Variants in TMEM120B observed in about 807,000 individuals in gnomAD.
TMEM120B encodes the protein transmembrane protein 120B.
TMEM120B carries 31 observed loss-of-function variants against 55.5 expected under a neutral mutation model. The ratio of observed to expected loss-of-function variants is 0.56; its 90% CI spans 0.42 to 0.75. The LOEUF is 0.75. Among genes scored for constraint, TMEM120B ranks in the 30% least tolerant of loss-of-function variants. The probability of loss-of-function intolerance (pLI) is 0.00; values close to 1 mark genes in which losing one functional copy is unlikely to be tolerated. For missense variants in TMEM120B, 399 were observed against 425.5 expected (o/e 0.94, Z 0.55); for synonymous variants, 203 against 176.3 (o/e 1.15, Z -1.20).
At position 121,746,251 on chromosome 12, in the gene TMEM120B, G is replaced by A. The variant is rs539168056; in HGVS notation, c.189-2075G>A. Among the ~76,000 whole-genome samples, 23 of 137,420 alleles carry A rather than the reference G, an allele frequency of 1.7e-4. No individual in the cohort carries two copies. In the East Asian group the frequency reaches 4.0e-3, roughly 24 times the overall value. The allele number at this position is 137,420 out of a possible 152,430, so 90.2% of individuals were successfully genotyped here. On this transcript the variant is annotated intron_variant, in intron 2 of 11. Coordinates refer to ENST00000449592, the MANE Select transcript of TMEM120B (RefSeq NM_001080825.2). Reference sequence around the variant, plus strand: ...TGCCCAGGCTGGAGTGCAATGGTGCGATCTTGGCTCACTGCAACCTCTGCC... The same window carrying A: ...TGCCCAGGCTGGAGTGCAATGGTGCAATCTTGGCTCACTGCAACCTCTGCC...
intron 1 of TMEM120B, among the ~76,000 whole-genome samples, chr12:121,723,330 GCTAATGTT>G (rs1894832565): frequency 6.6e-6 from 1 of 152,042 alleles, no homozygotes; most frequent in Non-Finnish European, 1.5e-5. Context: ...ACTGTGCTCA[GCTAATGTT>G]CTAATCTTCT....
At chr12:121,750,274 C>T in intron 3 of TMEM120B, 106 bp from the exon 4 acceptor site, 1 of 1,091,924 alleles carries the variant, frequency 9.2e-7, no homozygotes, top group Non-Finnish European at 1.4e-6. Context: ...CCCCTATCTT[C>T]TAACATCAGT....
intron 5 of TMEM120B, among the ~76,000 whole-genome samples, chr12:121,761,162 A>G (rs1289657689): frequency 6.6e-6 from 1 of 152,094 alleles, no homozygotes; most frequent in Non-Finnish European, 1.5e-5. Flanking sequence ...TATTTTTAGT[A>G]GAGATGGAGT....
At chr12:121,744,680 C>T (rs1308635295) in intron 2 of TMEM120B, among the ~76,000 whole-genome samples, 1 of 152,200 alleles carries the variant, frequency 6.6e-6, no homozygotes, top group African/African-American at 2.4e-5. Context: ...CCAGTGGATG[C>T]CGTGACCCCA....
chr12:121,740,824 G>A (rs1042572234), intron 1 of TMEM120B, among the ~76,000 whole-genome samples: 1 of 152,156 alleles, frequency 6.6e-6, no homozygotes, highest in African/African-American at 2.4e-5. Context: ...GAAAAGAGGT[G>A]TGTTGCCTGC....
rs992407077 is a variant in TMEM120B, at chr12:121,776,401, GA to G, written c.*680del. 12 of 153,258 alleles carry G rather than the reference GA, an allele frequency of 7.8e-5. No homozygotes were observed. The highest frequency in any genetic ancestry group is 2.2e-4 in the African/African-American group (9 of 41,454). The allele number at this position is 153,258 out of a possible 1,614,324, so 9.5% of individuals were successfully genotyped here. On this transcript the variant is annotated 3_prime_UTR_variant, in exon 12 of 12. Coordinates refer to ENST00000449592, the MANE Select transcript of TMEM120B (RefSeq NM_001080825.2). ...TCCCGTCTGTGCTTCGGGGTTCCCT[GA>G]CCCCCCCATCCTGCAGCCCACCTTC...
intron 3 of TMEM120B, 48 bp from the exon 4 acceptor site, chr12:121,750,332 C>T (rs746392040): frequency 1.9e-5 from 30 of 1,558,028 alleles, no homozygotes; most frequent in African/African-American, 4.1e-5. Context: ...GTTGTTGATT[C>T]GCACCCACCT....
chr12:121,731,028 G>A (rs919852772), intron 1 of TMEM120B, among the ~76,000 whole-genome samples: 6 of 152,052 alleles, frequency 3.9e-5, no homozygotes, highest in East Asian at 1.9e-4. Context: ...AGTCAAATTC[G>A]TAGAGACAGA....
Position 121,780,990 on chromosome 12 carries a change from G to A in TMEM120B, c.*5268G>A, listed in dbSNP as rs148151288. On this transcript the variant is annotated 3_prime_UTR_variant, in exon 12 of 12. Coordinates refer to ENST00000449592, the MANE Select transcript of TMEM120B (RefSeq NM_001080825.2). The stretch of plus-strand genomic sequence containing the variant: ...CATGGGGATCCCGCGGCAGAAATGC[G>A]TGACCTCAGGGAACCACTGTGGAGG... The A allele has an allele frequency of 7.1e-5, 115 of 1,613,800 alleles. No individual in the cohort carries two copies. In the African/African-American group the frequency reaches 1.2e-3, roughly 17 times the overall value.
At position 121,775,440 on chromosome 12, in the gene TMEM120B, A is replaced by T; in HGVS notation, c.907-169A>T. ...TCGAGCCCTTCCCAGGCCCTGCCCA[A>T]GCCTGAGGCCTCACCCTTCCCCCAG... On this transcript the variant is annotated intron_variant, in intron 11 of 11. Coordinates refer to ENST00000449592, the MANE Select transcript of TMEM120B (RefSeq NM_001080825.2). The surrounding 1 kb of genome is among the most constrained non-coding windows in gnomAD (Gnocchi z 4.3). 1 of 984,868 alleles carries T rather than the reference A, an allele frequency of 1.0e-6. No homozygotes were observed. The highest frequency in any genetic ancestry group is 1.2e-6 in the Non-Finnish European group (1 of 829,778). The allele number at this position is 984,868 out of a possible 1,614,324, so 61.0% of individuals were successfully genotyped here.
intron 8 of TMEM120B, among the ~76,000 whole-genome samples, 192 bp from the exon 9 acceptor site, chr12:121,773,229 G>A (rs1032507739): frequency 2.6e-4 from 39 of 152,168 alleles, no homozygotes; most frequent in African/African-American, 9.4e-4. Flanking sequence ...TCTGGATAAG[G>A]GCTAAAGCAG....
rs1381760887 is a variant in TMEM120B at position 121,743,626 on chromosome 12, C to T, written c.70-3C>T. On this transcript the variant is annotated splice_region_variant and splice_polypyrimidine_tract_variant and intron_variant, in intron 1 of 11. Transcript: ENST00000449592. ...ACCCTCCCCCGGGTCCCCTGTTCTT[C>T]AGGAGACGCACAGGATCTACAAGCA... is the stretch of plus-strand genomic sequence containing the variant. The T allele has an allele frequency of 1.2e-6, 2 of 1,612,616 alleles. No individual in the cohort carries two copies. The highest frequency in any genetic ancestry group is 2.2e-5 in the East Asian group (1 of 44,844).
chr12:121,741,076 C>T (rs1375787321), intron 1 of TMEM120B, among the ~76,000 whole-genome samples: 1 of 152,108 alleles, frequency 6.6e-6, no homozygotes, highest in South Asian at 2.1e-4. Flanking sequence ...ACGAAAGATT[C>T]TTGTGATTTT....
rs1175687050 is a variant in TMEM120B at position 121,775,039 on chromosome 12, G to A, written c.838-23G>A. 2.5e-6 allele frequency: 4 copies of A among 1,612,788 alleles called. No homozygotes were observed. The African/African-American group carries it at 5.3e-5, about 22-fold the overall frequency. On this transcript the variant is annotated intron_variant, in intron 10 of 11. Coordinates refer to ENST00000449592, the MANE Select transcript of TMEM120B (RefSeq NM_001080825.2). The surrounding 1 kb of genome is among the most constrained non-coding windows in gnomAD (Gnocchi z 4.3). ...CCGGCCAGGGGAGTCTGGTGGGTGA[G>A]CAGCGCCTGCCTTCCTCTCCAGTTC...
intron 6 of TMEM120B, among the ~76,000 whole-genome samples, chr12:121,764,159 CCAAAA>C (rs1873770867): frequency 1.4e-5 from 2 of 140,884 alleles, no homozygotes; most frequent in African/African-American, 5.6e-5. Flanking sequence ...TTCATCTTTA[CCAAAA>C]AAAAAAAAAA....
chr12:121,758,393 GCGCTGTGGT>G (rs1206171795), intron 5 of TMEM120B: 3 of 984,890 alleles, frequency 3.0e-6, no homozygotes, highest in Admixed American at 1.2e-4. Flanking sequence ...GCCCAGCCCC[GCGCTGTGGT>G]CACCATGGAG....
At chr12:121,765,033 C>G (rs1040781445) in intron 6 of TMEM120B, among the ~76,000 whole-genome samples, 1 of 152,216 alleles carries the variant, frequency 6.6e-6, no homozygotes, top group East Asian at 1.9e-4. Context: ...TGAGTGTCTC[C>G]TAAGTACCAA....
At chr12:121,723,146 T>G (rs1360766113) in intron 1 of TMEM120B, among the ~76,000 whole-genome samples, 2 of 150,940 alleles carry the variant, frequency 1.3e-5, no homozygotes, top group Non-Finnish European at 3.0e-5. Flanking sequence ...CGCGCCTGGC[T>G]TTTGTTTGTT....
At chr12:121,734,158 G>A (rs899016541) in intron 1 of TMEM120B, among the ~76,000 whole-genome samples, 3 of 126,124 alleles carry the variant, frequency 2.4e-5, no homozygotes, top group African/African-American at 1.1e-4. Context: ...CATAGAGGGA[G>A]GCCTGACTGT....
Sources: allele counts gnomAD v4.1 joint callset (sites outside exome capture counted in the v4.1 genomes callset), GRCh38; gene constraint gnomAD v4.1.1; non-coding constraint Gnocchi (gnomAD v3.1); transcripts MANE v1.5; gene names NCBI Gene and HGNC (gene_info 2026-07-23, HGNC 2026-07-21).